The following GRIN2B variants were observed in gnomAD, a reference collection of about 807,000 sequenced individuals.
GRIN2B encodes the protein glutamate receptor ionotropic, NMDA 2B.
In GRIN2B, 5 loss-of-function variants were observed where a neutral mutation model predicts 114.5. That is an observed-to-expected ratio of 0.04 (90% CI 0.02 to 0.09). The LOEUF (loss-of-function observed/expected upper bound fraction) is 0.09. GRIN2B is among the 10% of genes least tolerant of loss of function. The probability of loss-of-function intolerance (pLI) is 1.00; values close to 1 mark genes in which losing one functional copy is unlikely to be tolerated. For synonymous variants in GRIN2B, 787 were observed against 745.1 expected, an observed-to-expected ratio of 1.06 and a Z score of -0.92; for missense variants, 1,108 against 1,943.5, an observed-to-expected ratio of 0.57 and a Z score of 8.08.
chr12:13,755,667 ACTT>A (rs1863563976), intron 3 of GRIN2B, among the ~76,000 whole-genome samples: 1 of 152,198 alleles, frequency 6.6e-6, no homozygotes, highest in African/African-American at 2.4e-5. Flanking sequence ...CTGATCCTAG[ACTT>A]CTCCTACTAC....
At chr12:13,873,098 G>T (rs1421995856) in intron 2 of GRIN2B, among the ~76,000 whole-genome samples, 1 of 152,156 alleles carries the variant, frequency 6.6e-6, no homozygotes, top group African/African-American at 2.4e-5. Flanking sequence ...AAGAAGTATG[G>T]TTGACTCAAT....
intron 2 of GRIN2B, among the ~76,000 whole-genome samples, chr12:13,945,406 G>C (rs1044258166): frequency 6.6e-6 from 1 of 152,158 alleles, no homozygotes; most frequent in Non-Finnish European, 1.5e-5. Context: ...TCACACTGCA[G>C]GGTGTTACTG....
At chr12:13,871,962 G>T (rs1865916591) in intron 2 of GRIN2B, among the ~76,000 whole-genome samples, 1 of 151,916 alleles carries the variant, frequency 6.6e-6, no homozygotes, top group African/African-American at 2.4e-5. Context: ...CCCTACCCTA[G>T]TCCTCCACTT....
intron 3 of GRIN2B, among the ~76,000 whole-genome samples, chr12:13,767,749 A>G (rs1863825152): frequency 6.6e-6 from 1 of 152,240 alleles, no homozygotes; most frequent in Admixed American, 6.5e-5. Flanking sequence ...CTTGGTTTGT[A>G]GGAAAATGTC....
At chr12:13,946,387 C>CT (rs1177980251) in intron 2 of GRIN2B, among the ~76,000 whole-genome samples, 3 of 151,920 alleles carry the variant, frequency 2.0e-5, no homozygotes, top group South Asian at 2.1e-4. Flanking sequence ...AAGATTAACC[C>CT]TTTTTTTAAG....
intron 3 of GRIN2B, among the ~76,000 whole-genome samples, chr12:13,776,400 A>G (rs1864004728): frequency 6.6e-6 from 1 of 152,176 alleles, no homozygotes; most frequent in South Asian, 2.1e-4. Flanking sequence ...AAACCTGCAC[A>G]TGTACCCTTG....
At chr12:13,674,879 C>T (rs535729982) in intron 5 of GRIN2B, among the ~76,000 whole-genome samples, 1 of 152,110 alleles carries the variant, frequency 6.6e-6, no homozygotes, top group Non-Finnish European at 1.5e-5. Context: ...CCAAGACTCT[C>T]CTAGAGTGAG....
intron 4 of GRIN2B, among the ~76,000 whole-genome samples, chr12:13,726,687 G>A (rs952444505): frequency 6.7e-6 from 1 of 148,784 alleles, no homozygotes; most frequent in Non-Finnish European, 1.5e-5. Context: ...ATTTCAATAG[G>A]TTTTTGGGGA....
chr12:13,782,195 G>T (rs1326692751), intron 3 of GRIN2B, among the ~76,000 whole-genome samples: 1 of 152,094 alleles, frequency 6.6e-6, no homozygotes, highest in African/African-American at 2.4e-5. Context: ...CAGTCAGCAG[G>T]AAGGCTACAG....
rs895744474 is a variant in GRIN2B, at chr12:13,553,416, T to C, written c.*9367A>G. 2.0e-5 allele frequency: 3 copies of C among 152,212 alleles called. No homozygotes were observed. The highest frequency in any genetic ancestry group is 7.2e-5 in the African/African-American group (3 of 41,446). 9.4% of individuals were successfully genotyped at this position (152,212 alleles called of 1,614,324 possible). On this transcript the variant is annotated 3_prime_UTR_variant, in exon 14 of 14. Coordinates refer to ENST00000609686, the MANE Select transcript of GRIN2B (RefSeq NM_000834.5). ...TACAGATAAGAGGTAAAGTGCTCAA[T>C]TACCTCAACTCTTATCCTCCCTTTG...
At chr12:13,690,628 G>C (rs1950209145) in intron 4 of GRIN2B, among the ~76,000 whole-genome samples, 1 of 152,092 alleles carries the variant, frequency 6.6e-6, no homozygotes, top group Non-Finnish European at 1.5e-5. Flanking sequence ...TGAGGATCAT[G>C]TAATCTACCC....
chr12:13,846,894 TAAGA>T lies in GRIN2B; in HGVS notation c.411+18900_411+18903del, dbSNP rs539134702. Among the ~76,000 whole-genome samples, 5 of 151,668 alleles carry T rather than the reference TAAGA, an allele frequency of 3.3e-5. No individual in the cohort carries two copies. In the South Asian group the frequency reaches 1.0e-3, roughly 32 times the overall value. ...AACATTGGTAAAAATAAAAAACAAT[TAAGA>T]AAGAAAGCAGTATAACAAAATAGAC... On this transcript the variant is annotated intron_variant, in intron 3 of 13. Coordinates refer to ENST00000609686, the MANE Select transcript of GRIN2B (RefSeq NM_000834.5).
intron 4 of GRIN2B, among the ~76,000 whole-genome samples, chr12:13,714,350 A>G (rs1950438620): frequency 6.6e-6 from 1 of 151,916 alleles, no homozygotes. Flanking sequence ...TCCATGACAG[A>G]GGCTTGATAT....
At chr12:13,764,973 C>A (rs955900306) in intron 3 of GRIN2B, among the ~76,000 whole-genome samples, 1 of 152,210 alleles carries the variant, frequency 6.6e-6, no homozygotes, top group African/African-American at 2.4e-5. Context: ...TCATCCCAGA[C>A]AAGTATGAGT....
chr12:13,970,378 C>A (rs540530378), intron 2 of GRIN2B, among the ~76,000 whole-genome samples: 5 of 152,266 alleles, frequency 3.3e-5, no homozygotes, highest in Admixed American at 3.3e-4. Flanking sequence ...TCGTCTGTTC[C>A]ACTCTAGTAA....
At chr12:13,911,118 C>T (rs1866621130) in intron 2 of GRIN2B, among the ~76,000 whole-genome samples, 1 of 152,038 alleles carries the variant, frequency 6.6e-6, no homozygotes, top group South Asian at 2.1e-4. Context: ...GTCTTATCAT[C>T]TCCTCAACTA....
At chr12:13,655,818 C>T (rs1949858358) in intron 5 of GRIN2B, among the ~76,000 whole-genome samples, 1 of 152,198 alleles carries the variant, frequency 6.6e-6, no homozygotes, top group Non-Finnish European at 1.5e-5. Context: ...TTAGCTATTA[C>T]TAACACTTTG....
chr12:13,851,853 G>A (rs2193511), intron 3 of GRIN2B, among the ~76,000 whole-genome samples: 55,968 of 152,006 alleles, frequency 0.37, 10,551 homozygotes, highest in African/African-American at 0.4. Context: ...AGATGGAAGG[G>A]GTATGCAGAC....
At position 13,563,474 on chromosome 12, in the gene GRIN2B, C is replaced by G. The variant is rs1948579945; in HGVS notation, c.3764G>C (p.Ser1255Thr). The change falls in exon 14 of 14, where the codon AGT becomes ACT. Residue 1255 changes from serine to threonine, a missense_variant. Around this residue, in one of 19 missense-constraint regions of GRIN2B, gnomAD observed 478 missense variants for 506.0 expected, o/e 0.94. Transcript: ENST00000609686. ...CKKAGNLYDI[S>T]EDNSLQELDQ... Reference sequence around the variant, plus strand: ...CAGTTCCTGCAGGGAGTTGTCCTCACTGATGTCATACAGGTTGCCTGCTTT... The same window carrying G: ...CAGTTCCTGCAGGGAGTTGTCCTCAGTGATGTCATACAGGTTGCCTGCTTT... 6.2e-7 allele frequency: 1 copy of G among 1,614,210 alleles called. No individual in the cohort carries two copies. Among genetic ancestry groups the G allele is most frequent in the Non-Finnish European group, 8.5e-7 (1 of 1,180,036 alleles).
Sources: gnomAD v4.1 joint callset for allele counts (sites outside exome capture counted in the v4.1 genomes callset) on GRCh38, gnomAD v4.1.1 for gene constraint, gnomAD v4.1.1 regional missense constraint, MANE v1.5 for transcripts, NCBI Gene and HGNC (gene_info 2026-07-23, HGNC 2026-07-21) for gene names.